The following NBPF3 variants were observed in gnomAD, a reference collection of about 807,000 sequenced individuals.
NBPF3 encodes NBPF member 3, also known as NBPF family member NBPF3.
NBPF3 carries 57 observed loss-of-function variants against 78.1 expected under a neutral mutation model. That is an observed-to-expected ratio of 0.73 (90% CI 0.59 to 0.91). The LOEUF is 0.91. Among genes scored for constraint, NBPF3 ranks in the 40% least tolerant of loss-of-function variants. The probability of loss-of-function intolerance (pLI) is 0.00; values close to 1 mark genes in which losing one functional copy is unlikely to be tolerated. For missense variants in NBPF3, 510 were observed against 715.3 expected (o/e 0.71, Z 3.27); for synonymous variants, 182 against 271.7 (o/e 0.67, Z 3.25).
chr1:21,469,182 C>T (rs16825373), intron 3 of NBPF3, among the ~76,000 whole-genome samples: 10,914 of 152,186 alleles, frequency 0.072, 657 homozygotes, highest in African/African-American at 0.15. Context: ...GAGGCTAAAT[C>T]GTGTTTTCAA....
chr1:21,468,992 A>G, intron 3 of NBPF3, 95 bp downstream of exon 3: 2 of 961,074 alleles, frequency 2.1e-6, no homozygotes, highest in Non-Finnish European at 3.2e-6. Context: ...AATAAGTTCA[A>G]CCCTCCCATA....
chr1:21,473,309 G>T, intron 6 of NBPF3, 71 bp from the exon 7 acceptor site: 1 of 1,551,320 alleles, frequency 6.4e-7, no homozygotes, highest in Non-Finnish European at 8.9e-7. Context: ...GTCGAAACCA[G>T]CTAGCACTCC....
chr1:21,463,399 A>G (rs1642061730), intron 2 of NBPF3, among the ~76,000 whole-genome samples: 1 of 152,210 alleles, frequency 6.6e-6, no homozygotes, highest in Admixed American at 6.5e-5. Context: ...TGGATGCTCC[A>G]TGGAGGGGTG....
At chr1:21,442,312 C>T (rs1485609770) in intron 1 of NBPF3, 4 of 152,070 alleles carry the variant, frequency 2.6e-5, no homozygotes, top group Admixed American at 1.3e-4. Context: ...CCTCACAAGG[C>T]TCAGATGATC....
chr1:21,467,209 G>C, intron 2 of NBPF3: 1 of 985,462 alleles, frequency 1.0e-6, no homozygotes, highest in East Asian at 1.1e-4. Flanking sequence ...GTGGAGTGCA[G>C]AGAGACATGC....
Position 21,474,920 on chromosome 1 carries a change from C to A in NBPF3, c.961C>A (p.Gln321Lys), listed in dbSNP as rs200692184. ...IIPENESDHE[Q>K]EEEKGPVSPR... The stretch of plus-strand genomic sequence containing the variant: ...TCCAGAAAATGAAAGTGATCATGAG[C>A]AAGAGGAAGAAAAAGGGCCAGTGTC... Residue 321 changes from glutamine to lysine, a missense_variant, in exon 8 of 15, where the codon CAA becomes AAA. Gln to Lys is a moderately conservative substitution (Grantham distance 53, BLOSUM62 1). Around this residue, in one of 5 missense-constraint regions of NBPF3, gnomAD observed 440 missense variants for 478.2 expected, o/e 0.92. Coordinates refer to ENST00000318249, the MANE Select transcript of NBPF3 (RefSeq NM_032264.6). 2 of 1,602,428 alleles carry A rather than the reference C, an allele frequency of 1.2e-6. No individual in the cohort carries two copies. The highest frequency in any genetic ancestry group is 2.7e-5 in the African/African-American group (2 of 74,158).
intron 3 of NBPF3, among the ~76,000 whole-genome samples, chr1:21,470,122 T>G (rs1642505006): frequency 1.3e-5 from 2 of 152,226 alleles, no homozygotes; most frequent in African/African-American, 4.8e-5. Context: ...TCTCATCCTT[T>G]ATGCTTCAGA....
chr1:21,463,904 T>C (rs1642101057), intron 2 of NBPF3, among the ~76,000 whole-genome samples: 1 of 152,084 alleles, frequency 6.6e-6, no homozygotes, highest in East Asian at 1.9e-4. Context: ...CAAAATGAGA[T>C]ACCACTTCAC....
chr1:21,461,877 G>A (rs961084055), intron 2 of NBPF3, among the ~76,000 whole-genome samples: 11 of 152,212 alleles, frequency 7.2e-5, no homozygotes, highest in African/African-American at 1.4e-4. Context: ...CCCCAGTGTC[G>A]GAGGTGGGGG....
At chr1:21,448,890 T>A (rs184276663) in intron 2 of NBPF3, among the ~76,000 whole-genome samples, 76 of 152,342 alleles carry the variant, frequency 5.0e-4, no homozygotes, top group Non-Finnish European at 8.1e-4. Flanking sequence ...TTTGTTCAGC[T>A]TTTTTCTAGC....
chr1:21,450,771 A>G (rs368479782), intron 2 of NBPF3, among the ~76,000 whole-genome samples: 1 of 152,214 alleles, frequency 6.6e-6, no homozygotes, highest in South Asian at 2.1e-4. Flanking sequence ...GAGGGTGTCC[A>G]CAAAGTACAG....
intron 2 of NBPF3, among the ~76,000 whole-genome samples, chr1:21,462,094 T>C (rs1263903590): frequency 1.3e-5 from 2 of 152,066 alleles, no homozygotes; most frequent in Non-Finnish European, 2.9e-5. Flanking sequence ...CACCTTCTGC[T>C]GCAAGTGGAA....
At chr1:21,470,817 C>A in intron 4 of NBPF3, 83 bp downstream of exon 4, 1 of 857,186 alleles carries the variant, frequency 1.2e-6, no homozygotes, top group Non-Finnish European at 1.9e-6. Flanking sequence ...GAACTAAGAG[C>A]TGAACTGGGC....
chr1:21,467,243 C>G, intron 2 of NBPF3: 2 of 985,410 alleles, frequency 2.0e-6, no homozygotes, highest in Non-Finnish European at 2.4e-6. Context: ...TGATCCAGTC[C>G]TCCTTCCTTC....
In NBPF3 at chr1:21,451,874, C is replaced by T. The variant is rs35794664; in HGVS notation, c.133+6655C>T. Reference sequence around the variant, plus strand: ...TCCAGTGTTAATGCCATGAAGCAGCCGCCAGTTGGGATCAAATGTGAGCCT... The same window carrying T: ...TCCAGTGTTAATGCCATGAAGCAGCTGCCAGTTGGGATCAAATGTGAGCCT... On this transcript the variant is annotated intron_variant, in intron 2 of 14. Transcript: ENST00000318249. 3.1e-3 allele frequency: 2,943 copies of T among 954,626 alleles called. 96 individuals are homozygous for T. The African/African-American group carries it at 0.045, about 15-fold the overall frequency. 59.1% of individuals were successfully genotyped at this position (954,626 alleles called of 1,614,324 possible).
chr1:21,478,285 C>A lies in NBPF3; in HGVS notation c.1134C>A (p.Val378=), dbSNP rs145787273. ...TTCACTCAGTAGAGGAACAGCAAGT[C>A]GGCTTGGCTCTTGACATAGGCAGTG... is the stretch of plus-strand genomic sequence containing the variant. The part of the protein sequence containing the change: ...STFHSVEEQQ[V]GLALDIGRHW... Residue 378 remains valine, a synonymous_variant, in exon 9 of 15, where the codon GTC becomes GTA. Coordinates refer to ENST00000318249, the MANE Select transcript of NBPF3 (RefSeq NM_032264.6). 6.2e-7 allele frequency: 1 copy of A among 1,613,898 alleles called. No homozygotes were observed. The highest frequency in any genetic ancestry group is 1.7e-5 in the Admixed American group (1 of 60,014).
intron 2 of NBPF3, among the ~76,000 whole-genome samples, chr1:21,464,673 C>A (rs1185751712): frequency 7.3e-6 from 1 of 137,748 alleles, no homozygotes; most frequent in Non-Finnish European, 1.6e-5. Context: ...CTTTCCACAT[C>A]TCCATGTCCA....
At position 21,469,684 on chromosome 1, in the gene NBPF3, C is replaced by G. The variant is rs538335808; in HGVS notation, c.343+787C>G. On this transcript the variant is annotated intron_variant, in intron 3 of 14. Transcript: ENST00000318249. ...AGGTTGCAGTGAGCCAAGAACACGC[C>G]ATTGCACTCCAGCCTGGGCGATAGG... 1.2e-4 allele frequency among the ~76,000 whole-genome samples: 18 copies of G among 152,264 alleles called. No individual in the cohort carries two copies. In the East Asian group the frequency reaches 2.9e-3, roughly 24 times the overall value.
At chr1:21,470,568 T>TAG in intron 3 of NBPF3, 64 bp from the exon 4 acceptor site, 6 of 1,332,928 alleles carry the variant, frequency 4.5e-6, no homozygotes, top group Non-Finnish European at 6.4e-6. Flanking sequence ...TCCTGCCCTG[T>TAG]AGGCAGTGAC....
Sources: gnomAD v4.1 joint callset for allele counts (sites outside exome capture counted in the v4.1 genomes callset) on GRCh38, gnomAD v4.1.1 for gene constraint, gnomAD v4.1.1 regional missense constraint, MANE v1.5 for transcripts, NCBI Gene and HGNC (gene_info 2026-07-23, HGNC 2026-07-21) for gene names.